PTPRD: variants seen among roughly 807,000 people sequenced by gnomAD.
PTPRD encodes receptor-type tyrosine-protein phosphatase delta.
PTPRD carries 34 observed loss-of-function variants against 214.5 expected under a neutral mutation model. The ratio of observed to expected loss-of-function variants is 0.16; its 90% CI spans 0.12 to 0.21. PTPRD has a LOEUF of 0.21. Ranked by LOEUF, PTPRD falls within the 10% of genes least tolerant of loss-of-function variation. The pLI, the probability that PTPRD is intolerant of heterozygous loss-of-function variation, is 1.00. For synonymous variants in PTPRD, 1,128 were observed against 845.7 expected (o/e 1.33, Z -5.79); for missense variants, 2,545 against 2,398.7 (o/e 1.06, Z -1.27).
intron 5 of PTPRD, among the ~76,000 whole-genome samples, chr9:9,833,686 G>GCA (rs200580817): frequency 1.0e-3 from 156 of 148,702 alleles, no homozygotes; most frequent in African/African-American, 3.8e-3. Flanking sequence ...TCCGGAGAGG[G>GCA]GGGCAGTTCA....
intron 14 of PTPRD, among the ~76,000 whole-genome samples, chr9:8,604,012 A>T (rs1331095135): frequency 6.6e-6 from 1 of 152,208 alleles, no homozygotes. Context: ...AACTACATAT[A>T]TCCAAAATTA....
At chr9:9,162,558 C>T (rs2099892083) in intron 10 of PTPRD, among the ~76,000 whole-genome samples, 1 of 152,026 alleles carries the variant, frequency 6.6e-6, no homozygotes, top group African/African-American at 2.4e-5. Context: ...AAATCCTTCC[C>T]CGCTGGATTC....
chr9:8,815,224 G>C (rs1266951974), intron 11 of PTPRD, among the ~76,000 whole-genome samples: 1 of 151,806 alleles, frequency 6.6e-6, no homozygotes, highest in East Asian at 1.9e-4. Context: ...TCTGATATAA[G>C]CTGTTTCCCG....
At chr9:9,776,354 T>G (rs1355588244) in intron 5 of PTPRD, among the ~76,000 whole-genome samples, 1 of 152,166 alleles carries the variant, frequency 6.6e-6, no homozygotes, top group African/African-American at 2.4e-5. Flanking sequence ...TCCTCTTATA[T>G]CTCTTGAACT....
At chr9:9,756,562 TA>T (rs914926701) in intron 6 of PTPRD, among the ~76,000 whole-genome samples, 38 of 151,994 alleles carry the variant, frequency 2.5e-4, no homozygotes, top group African/African-American at 8.2e-4. Flanking sequence ...GTGGAGCAGA[TA>T]GGGGGTGGGG....
At chr9:9,009,794 C>T (rs773093520) in intron 11 of PTPRD, among the ~76,000 whole-genome samples, 25 of 151,900 alleles carry the variant, frequency 1.6e-4, no homozygotes, top group Non-Finnish European at 2.5e-4. Context: ...GGCCACATAA[C>T]GAGTATAAGG....
intron 9 of PTPRD, among the ~76,000 whole-genome samples, chr9:9,209,690 G>C (rs2099947283): frequency 6.6e-6 from 1 of 152,060 alleles, no homozygotes; most frequent in South Asian, 2.1e-4. Context: ...TGTTGAAGTG[G>C]GTGATGGCCT....
chr9:9,653,760 T>C (rs181765267), intron 7 of PTPRD, among the ~76,000 whole-genome samples: 104 of 152,346 alleles, frequency 6.8e-4, no homozygotes, highest in African/African-American at 2.5e-3. Context: ...TTGATACACT[T>C]ATAAAGCTCC....
chr9:10,390,233 AAAGAC>A lies in PTPRD; in HGVS notation c.-599-49221_-599-49217del, dbSNP rs553197961. Among the ~76,000 whole-genome samples the A allele has an allele frequency of 6.3e-4, 95 of 151,864 alleles. 1 individual carries two copies. The highest frequency in any genetic ancestry group is 1.2e-3 in the Non-Finnish European group (82 of 67,868). ...AGAACAGTGACATTCAAAATAGCTA[AAAGAC>A]AACCAAAATCATACCATGTGGTCTT... On this transcript the variant is annotated intron_variant, in intron 2 of 45. Transcript: ENST00000381196.
chr9:9,797,015 T>C (rs542022066), intron 5 of PTPRD, among the ~76,000 whole-genome samples: 6 of 152,216 alleles, frequency 3.9e-5, no homozygotes, highest in South Asian at 2.1e-4. Context: ...AGATGGAAGA[T>C]TGAACATAGT....
intron 8 of PTPRD, among the ~76,000 whole-genome samples, chr9:9,483,060 T>C (rs927005523): frequency 6.6e-6 from 1 of 152,190 alleles, no homozygotes; most frequent in Non-Finnish European, 1.5e-5. Context: ...AAAATCTGCA[T>C]TCAGAGTATG....
intron 4 of PTPRD, among the ~76,000 whole-genome samples, chr9:9,977,688 T>C (rs987983158): frequency 1.3e-5 from 2 of 152,174 alleles, no homozygotes; most frequent in Non-Finnish European, 2.9e-5. Context: ...ATTCTTATTA[T>C]GTTTAATAAT....
At chr9:9,313,605 C>G (rs1209610374) in intron 9 of PTPRD, among the ~76,000 whole-genome samples, 1 of 152,118 alleles carries the variant, frequency 6.6e-6, no homozygotes, top group Non-Finnish European at 1.5e-5. Context: ...TGCAGTCCAT[C>G]TCTCTTAAGG....
chr9:8,560,277 AT>A (rs2085647485), intron 14 of PTPRD, among the ~76,000 whole-genome samples: 1 of 152,190 alleles, frequency 6.6e-6, no homozygotes, highest in African/African-American at 2.4e-5. Context: ...TTTAAACTCC[AT>A]GCAAATCTTT....
At chr9:10,255,152 T>C (rs140017334) in intron 3 of PTPRD, among the ~76,000 whole-genome samples, 5 of 152,336 alleles carry the variant, frequency 3.3e-5, no homozygotes, top group African/African-American at 9.6e-5. Context: ...AAAGAGTTGC[T>C]CTTTCACATG....
chr9:10,593,476 T>C (rs1290551347), intron 2 of PTPRD, among the ~76,000 whole-genome samples: 1 of 152,092 alleles, frequency 6.6e-6, no homozygotes, highest in Non-Finnish European at 1.5e-5. Flanking sequence ...ATTACAAGTA[T>C]GACTTCATTT....
intron 2 of PTPRD, among the ~76,000 whole-genome samples, chr9:10,552,734 G>C (rs1239317975): frequency 6.6e-6 from 1 of 151,816 alleles, no homozygotes; most frequent in African/African-American, 2.4e-5. Context: ...CTAGAGAAAA[G>C]AGAAAGAAGT....
At chr9:10,165,718 A>G (rs1037698287) in intron 3 of PTPRD, among the ~76,000 whole-genome samples, 4 of 151,586 alleles carry the variant, frequency 2.6e-5, no homozygotes, top group African/African-American at 9.7e-5. Context: ...TTAAATGTTT[A>G]TTACAGAGCC....
chr9:9,831,238 C>A (rs796199358), intron 5 of PTPRD, among the ~76,000 whole-genome samples: 1 of 151,940 alleles, frequency 6.6e-6, no homozygotes, highest in East Asian at 1.9e-4. Context: ...CTTCTAAATT[C>A]TCTGCTAAAG....
Sources: gnomAD v4.1 joint callset for allele counts (sites outside exome capture counted in the v4.1 genomes callset) on GRCh38, gnomAD v4.1.1 for gene constraint, MANE v1.5 for transcripts, NCBI Gene and HGNC (gene_info 2026-07-23, HGNC 2026-07-21) for gene names.